GIMAP8: variants seen among roughly 807,000 people sequenced by gnomAD.
GIMAP8 encodes GTPase IMAP family member 8.
GIMAP8 carries 29 observed loss-of-function variants against 35.6 expected under a neutral mutation model. The ratio of observed to expected loss-of-function variants is 0.81; its 90% CI spans 0.61 to 1.11. The LOEUF (loss-of-function observed/expected upper bound fraction) is 1.11. Among genes scored for constraint, GIMAP8 ranks in the 50% most tolerant of loss-of-function variants. GIMAP8 has a pLI of 0.00. For synonymous variants in GIMAP8, 335 were observed against 308.7 expected, an observed-to-expected ratio of 1.09 and a Z score of -0.89; for missense variants, 811 against 805.0, an observed-to-expected ratio of 1.01 and a Z score of -0.09.
At position 150,479,270 on chromosome 7, in the gene GIMAP8, A is replaced by G. The variant is rs1280595214; in HGVS notation, c.*1490A>G. 6.6e-6 allele frequency: 1 copy of G among 152,198 alleles called. No homozygotes were observed. Among genetic ancestry groups the G allele is most frequent in the East Asian group, 1.9e-4 (1 of 5,198 alleles). The allele number at this position is 152,198 out of a possible 1,614,324, so 9.4% of individuals were successfully genotyped here. ...GTACACCACACCCCTGTGACACACA[A>G]CTTACTCATGTAACAAACCTGTGCA... On this transcript the variant is annotated 3_prime_UTR_variant, in exon 5 of 5. Transcript: ENST00000307271.
Position 150,466,937 on chromosome 7 carries a change from A to G in GIMAP8, c.239A>G (p.Gln80Arg), listed in dbSNP as rs1206493788. ...FSSIACAEDKQRNIQHCLELS... is the reference protein window; with the variant it reads ...FSSIACAEDKRRNIQHCLELS... ...TCAATAGCTTGTGCTGAAGACAAGC[A>G]ACGCAACATCCAACACTGCTTGGAG... The change falls in exon 2 of 5, where the codon CAA becomes CGA. Residue 80 changes from glutamine to arginine, a missense_variant. Gln to Arg is a conservative substitution (Grantham distance 43, BLOSUM62 1). Transcript: ENST00000307271. 8.1e-6 allele frequency: 13 copies of G among 1,614,130 alleles called. No individual in the cohort carries two copies. In the South Asian group the frequency reaches 1.1e-4, roughly 14 times the overall value.
At chr7:150,470,599 C>T (rs932261247) in intron 2 of GIMAP8, among the ~76,000 whole-genome samples, 1 of 152,092 alleles carries the variant, frequency 6.6e-6, no homozygotes, top group African/African-American at 2.4e-5. Flanking sequence ...ATCACCTTCT[C>T]CGAGAACCAG....
intron 1 of GIMAP8, among the ~76,000 whole-genome samples, chr7:150,459,753 C>CT (rs1228301658): frequency 6.6e-6 from 1 of 152,124 alleles, no homozygotes; most frequent in Non-Finnish European, 1.5e-5. Context: ...CATTGCCTCA[C>CT]TTTTTTTGCT....
At chr7:150,477,014 C>A in intron 4 of GIMAP8, 78 bp from the exon 5 acceptor site, 1 of 1,142,698 alleles carries the variant, frequency 8.8e-7, no homozygotes, top group South Asian at 1.4e-5. Flanking sequence ...GTGATGTAAT[C>A]TTGCTTCATG....
Position 150,477,544 on chromosome 7 carries a change from CG to C in GIMAP8, c.1764del (p.Arg589AlafsTer26). 1 of 1,614,116 alleles carries C rather than the reference CG, an allele frequency of 6.2e-7. No individual in the cohort carries two copies. Among genetic ancestry groups the C allele is most frequent in the Non-Finnish European group, 8.5e-7 (1 of 1,180,024 alleles). ...FMKNSDNKALRRIFKKCGRRV... is the reference protein window; with the variant it reads ...FMKNSDNKALXRIFKKCGRRV... ...GAAGAACTCAGATAACAAAGCCCTT[CG>C]GCGCATTTTTAAAAAGTGTGGGCGG... On this transcript the variant is annotated frameshift_variant, in exon 5 of 5. Transcript: ENST00000307271. LOFTEE classifies it low-confidence loss of function (END_TRUNC).
intron 1 of GIMAP8, among the ~76,000 whole-genome samples, chr7:150,460,217 G>A (rs1801814703): frequency 6.6e-6 from 1 of 152,208 alleles, no homozygotes; most frequent in Non-Finnish European, 1.5e-5. Flanking sequence ...GGGATCCACA[G>A]AATGGGTCAT....
intron 1 of GIMAP8, among the ~76,000 whole-genome samples, chr7:150,461,872 A>G (rs564409124): frequency 1.1e-4 from 16 of 152,330 alleles, no homozygotes; most frequent in African/African-American, 3.8e-4. Context: ...TCACATGTCC[A>G]TGTGTAGAGA....
intron 2 of GIMAP8, among the ~76,000 whole-genome samples, chr7:150,469,515 G>A (rs1037001979): frequency 5.3e-5 from 8 of 152,178 alleles, no homozygotes; most frequent in Non-Finnish European, 1.2e-4. Context: ...ATGTATGTCA[G>A]GAATTGCTGT....
intron 1 of GIMAP8, among the ~76,000 whole-genome samples, chr7:150,464,852 T>C (rs1346650495): frequency 1.3e-5 from 2 of 152,150 alleles, no homozygotes; most frequent in Admixed American, 1.3e-4. Context: ...CAGAAAAATA[T>C]AAAGAATGAA....
chr7:150,450,973 G>A lies in GIMAP8; in HGVS notation c.-231G>A, dbSNP rs960957846. 8 of 152,288 alleles carry A rather than the reference G, an allele frequency of 5.3e-5. No individual in the cohort carries two copies. Among genetic ancestry groups the A allele is most frequent in the African/African-American group, 1.9e-4 (8 of 41,468 alleles). The allele number at this position is 152,288 out of a possible 1,614,324, so 9.4% of individuals were successfully genotyped here. ...GTTCTGAGCCTGTGGCCTGCACAGG[G>A]AACTTCCTCTCCGACTGCATTTATG... On this transcript the variant is annotated 5_prime_UTR_variant, in exon 1 of 5. Coordinates refer to ENST00000307271, the MANE Select transcript of GIMAP8 (RefSeq NM_175571.4). This position sits in a 1 kb window ranked among gnomAD's most constrained non-coding sequence, Gnocchi z 4.4.
In GIMAP8 at chr7:150,461,708, A is replaced by G. The variant is rs903419869; in HGVS notation, c.-28-4963A>G. 2.0e-5 allele frequency among the ~76,000 whole-genome samples: 3 copies of G among 152,182 alleles called. No individual in the cohort carries two copies. In the East Asian group the frequency reaches 5.8e-4, roughly 29 times the overall value. On this transcript the variant is annotated intron_variant, in intron 1 of 4. Coordinates refer to ENST00000307271, the MANE Select transcript of GIMAP8 (RefSeq NM_175571.4). ...AAATTAGTGAATTTAATCCATTTAC[A>G]TTTAAGGTTGTTACTGATAGATGAA...
Position 150,474,358 on chromosome 7 carries a change from G to T in GIMAP8, c.1029G>T (p.Val343=). 6.2e-7 allele frequency: 1 copy of T among 1,614,218 alleles called. No individual in the cohort carries two copies. The highest frequency in any genetic ancestry group is 8.5e-7 in the Non-Finnish European group (1 of 1,180,034). The change falls in exon 4 of 5, where the codon GTG becomes GTT. Residue 343 remains valine (V), a synonymous_variant. Coordinates refer to ENST00000307271, the MANE Select transcript of GIMAP8 (RefSeq NM_175571.4). ...LGFYTKNDEA[V]LSTIQNNFGE... ...TTTACACTAAGAATGATGAGGCAGT[G>T]CTGAGCACCATCCAAAACAATTTTG...
At chr7:150,457,240 T>A (rs1373074510) in intron 1 of GIMAP8, among the ~76,000 whole-genome samples, 1 of 152,270 alleles carries the variant, frequency 6.6e-6, no homozygotes, top group African/African-American at 2.4e-5. Context: ...CTCATGCCAT[T>A]GTTTGTGGTT....
At chr7:150,475,525 G>C (rs893723894) in intron 4 of GIMAP8, among the ~76,000 whole-genome samples, 7 of 152,176 alleles carry the variant, frequency 4.6e-5, no homozygotes, top group African/African-American at 1.7e-4. Context: ...ACAGTGTACT[G>C]TTGCCCAGAG....
chr7:150,469,862 T>C (rs1802049982), intron 2 of GIMAP8, among the ~76,000 whole-genome samples: 1 of 152,254 alleles, frequency 6.6e-6, no homozygotes, highest in South Asian at 2.1e-4. Context: ...ATAAATTCTA[T>C]CTACTTAAAG....
chr7:150,470,770 A>ATTTTTTTTTT (rs1357852628), intron 2 of GIMAP8, 59 bp from the exon 3 acceptor site: 4 of 224,044 alleles, frequency 1.8e-5, no homozygotes, highest in Non-Finnish European at 2.3e-5. Flanking sequence ...TTTTTTTTTC[A>ATTTTTTTTTT]GTTTGTGGAA....
At chr7:150,456,502 T>G (rs1193870687) in intron 1 of GIMAP8, among the ~76,000 whole-genome samples, 1 of 152,182 alleles carries the variant, frequency 6.6e-6, no homozygotes, top group Non-Finnish European at 1.5e-5. Context: ...CACTCTGACT[T>G]TCCTGCATCC....
intron 2 of GIMAP8, among the ~76,000 whole-genome samples, chr7:150,470,154 A>T (rs1802056571): frequency 6.6e-6 from 1 of 152,246 alleles, no homozygotes; most frequent in Non-Finnish European, 1.5e-5. Flanking sequence ...TGTAAGGTTA[A>T]AGAAATCTGA....
chr7:150,452,165 G>C (rs1801621477), intron 1 of GIMAP8, among the ~76,000 whole-genome samples: 1 of 152,180 alleles, frequency 6.6e-6, no homozygotes, highest in African/African-American at 2.4e-5. Context: ...AGTGGCCTGG[G>C]AAATTGAGCA....
Sources: allele counts gnomAD v4.1 joint callset (sites outside exome capture counted in the v4.1 genomes callset), GRCh38; gene constraint gnomAD v4.1.1; non-coding constraint Gnocchi (gnomAD v3.1); transcripts MANE v1.5; gene names NCBI Gene and HGNC (gene_info 2026-07-23, HGNC 2026-07-21).